UBE3C: variants seen among roughly 807,000 people sequenced by gnomAD.
The protein encoded by UBE3C is ubiquitin protein ligase E3C.
In UBE3C, 42 loss-of-function variants were observed where a neutral mutation model predicts 129.4. The ratio of observed to expected loss-of-function variants is 0.32; its 90% CI spans 0.25 to 0.42. The LOEUF is 0.42. Among genes scored for constraint, UBE3C ranks in the 10% least tolerant of loss-of-function variants. The probability of loss-of-function intolerance (pLI) is 1.00; values close to 1 mark genes in which losing one functional copy is unlikely to be tolerated. For missense variants in UBE3C, 1,049 were observed against 1,319.1 expected (o/e 0.80, Z 3.17); for synonymous variants, 510 against 492.4 (o/e 1.04, Z -0.47).
intron 5 of UBE3C, among the ~76,000 whole-genome samples, 186 bp downstream of exon 5, chr7:157,175,220 G>A (rs765977513): frequency 4.1e-5 from 6 of 146,316 alleles, no homozygotes; most frequent in Non-Finnish European, 8.9e-5. Context: ...CCGGCATGAG[G>A]TATAAATGAA....
intron 10 of UBE3C, 96 bp downstream of exon 10, chr7:157,187,117 T>A (rs1808829169): frequency 7.3e-7 from 1 of 1,362,154 alleles, no homozygotes. Context: ...GTCTGCTCTT[T>A]TCTGGTAGAG....
At chr7:157,228,516 G>A (rs1795937940) in intron 17 of UBE3C, among the ~76,000 whole-genome samples, 1 of 152,200 alleles carries the variant, frequency 6.6e-6, no homozygotes, top group Non-Finnish European at 1.5e-5. Context: ...GCTTTTGTTG[G>A]TTGGTTACTT....
intron 17 of UBE3C, among the ~76,000 whole-genome samples, chr7:157,228,713 G>A (rs984798486): frequency 6.6e-6 from 1 of 152,196 alleles, no homozygotes; most frequent in Non-Finnish European, 1.5e-5. Context: ...CTGCTGCTGT[G>A]CAGAGTGGCC....
chr7:157,238,431 T>C (rs1247120961), intron 18 of UBE3C, among the ~76,000 whole-genome samples: 3 of 151,984 alleles, frequency 2.0e-5, no homozygotes, highest in African/African-American at 7.2e-5. Flanking sequence ...GTCCCGGTGG[T>C]AGTGCTGGTA....
At chr7:157,261,096 A>C (rs1192850116) in intron 22 of UBE3C, among the ~76,000 whole-genome samples, 2 of 152,004 alleles carry the variant, frequency 1.3e-5, no homozygotes, top group Admixed American at 1.3e-4. Context: ...TGAGGCCAGG[A>C]GTTCAAGACG....
intron 5 of UBE3C, among the ~76,000 whole-genome samples, chr7:157,176,245 G>A (rs759182058): frequency 2.0e-5 from 3 of 152,112 alleles, no homozygotes; most frequent in Non-Finnish European, 4.4e-5. Flanking sequence ...TTGGGCAGCA[G>A]AGCAAGACCA....
intron 9 of UBE3C, among the ~76,000 whole-genome samples, chr7:157,186,135 G>A (rs760979066): frequency 2.0e-4 from 30 of 152,042 alleles, no homozygotes; most frequent in Non-Finnish European, 4.4e-5. Flanking sequence ...TAAAAAATTC[G>A]TTAATAGGCT....
chr7:157,147,160 C>T (rs1345104470), intron 1 of UBE3C, among the ~76,000 whole-genome samples: 1 of 152,174 alleles, frequency 6.6e-6, no homozygotes, highest in East Asian at 1.9e-4. Context: ...CCTTCCTATC[C>T]ATGAATATGG....
chr7:157,179,535 A>G (rs1008860937), intron 6 of UBE3C, among the ~76,000 whole-genome samples: 2 of 152,250 alleles, frequency 1.3e-5, no homozygotes, highest in African/African-American at 2.4e-5. Flanking sequence ...AGTGAGCAGT[A>G]TAAATCCTAA....
At chr7:157,153,476 AAC>A (rs1288996057) in intron 1 of UBE3C, among the ~76,000 whole-genome samples, 1 of 152,048 alleles carries the variant, frequency 6.6e-6, no homozygotes, top group African/African-American at 2.4e-5. Context: ...ATTTGTTTTT[AAC>A]AGAGTCCAGG....
chr7:157,240,184 A>T, intron 18 of UBE3C, among the ~76,000 whole-genome samples: 1 of 152,024 alleles, frequency 6.6e-6, no homozygotes. Flanking sequence ...CCTCCCAAGT[A>T]ACTGGGACTA....
rs1485339666 is a variant in UBE3C at position 157,178,706 on chromosome 7, A to G, written c.475A>G (p.Asn159Asp). ...TTTTTACAGGTTGCTGCAAAACTGT[A>G]ATGATGACAGTTTGAATGTTGCACT... ...SLCCRLLQNC[N>D]DDSLNVALPM... Residue 159 changes from asparagine to aspartate, a missense_variant, in exon 6 of 23, where the codon AAT (asparagine) becomes GAT (aspartate). This residue lies in a region of UBE3C where 489 missense variants were observed against 513.8 expected (regional missense o/e 0.95). Transcript: ENST00000348165. The G allele has an allele frequency of 6.2e-7, 1 of 1,613,942 alleles. No homozygotes were observed. Among genetic ancestry groups the G allele is most frequent in the Admixed American group, 1.7e-5 (1 of 59,998 alleles).
At chr7:157,256,289 C>T (rs947338968) in intron 21 of UBE3C, among the ~76,000 whole-genome samples, 19 of 152,052 alleles carry the variant, frequency 1.2e-4, no homozygotes, top group South Asian at 2.1e-4. Context: ...ATTATGGGTG[C>T]GCGCCACAAC....
At position 157,183,906 on chromosome 7, in the gene UBE3C, G is replaced by A. The variant is rs748427123; in HGVS notation, c.1020G>A (p.Val340=). 4 of 1,614,064 alleles carry A rather than the reference G, an allele frequency of 2.5e-6. No homozygotes were observed. The highest frequency in any genetic ancestry group is 3.4e-6 in the Non-Finnish European group (4 of 1,180,024). The stretch of plus-strand genomic sequence containing the variant: ...CCCTCTCTGAGGAAGGGCTGCTGGT[G>A]TATTTGCGGGTGCTGCAGACCTTCC... ...LGALSEEGLL[V]YLRVLQTFLS... Residue 340 remains valine, a synonymous_variant, in exon 9 of 23, where the codon GTG becomes GTA. Transcript: ENST00000348165.
At chr7:157,165,765 C>T (rs1421218598) in intron 2 of UBE3C, among the ~76,000 whole-genome samples, 2 of 152,136 alleles carry the variant, frequency 1.3e-5, no homozygotes, top group African/African-American at 2.4e-5. Flanking sequence ...AATTTTCTTT[C>T]ATTCTTTTAT....
At chr7:157,250,948 C>T (rs1167724122) in intron 19 of UBE3C, among the ~76,000 whole-genome samples, 1 of 152,166 alleles carries the variant, frequency 6.6e-6, no homozygotes, top group African/African-American at 2.4e-5. Flanking sequence ...TGCAAGAATT[C>T]CATTAAAGCA....
At position 157,183,857 on chromosome 7, in the gene UBE3C, T is replaced by C. The variant is rs369070971; in HGVS notation, c.992-21T>C. 9.3e-6 allele frequency: 15 copies of C among 1,605,492 alleles called. 1 individual carries two copies. The highest frequency in any genetic ancestry group is 1.3e-5 in the Non-Finnish European group (15 of 1,175,516). ...AAATAATGTTTAACTAAAATACGTTTTAACTGATTGTTTTGCAAAGGGGCC... is the reference window on the plus strand; with the variant it reads ...AAATAATGTTTAACTAAAATACGTTCTAACTGATTGTTTTGCAAAGGGGCC... On this transcript the variant is annotated intron_variant, in intron 8 of 22. Transcript: ENST00000348165.
intron 10 of UBE3C, chr7:157,192,497 A>G: frequency 1.3e-6 from 1 of 759,560 alleles, no homozygotes; most frequent in Non-Finnish European, 2.4e-6. Context: ...GCAAAGACTG[A>G]TCTTTGCTGG....
chr7:157,204,914 C>T (rs1458225960), intron 11 of UBE3C, among the ~76,000 whole-genome samples: 3 of 152,130 alleles, frequency 2.0e-5, no homozygotes, highest in Admixed American at 2.0e-4. Flanking sequence ...GGACATTGGA[C>T]GAGGAGGAGG....
Sources: allele counts gnomAD v4.1 joint callset (sites outside exome capture counted in the v4.1 genomes callset), GRCh38; gene constraint gnomAD v4.1.1; regional missense constraint gnomAD v4.1.1; transcripts MANE v1.5; gene names NCBI Gene and HGNC (gene_info 2026-07-23, HGNC 2026-07-21).